The following PAK5 variants were observed in gnomAD, a reference collection of about 807,000 sequenced individuals.
The protein encoded by PAK5 is serine/threonine-protein kinase PAK 5.
In PAK5, 16 loss-of-function variants were observed where a neutral mutation model predicts 65.9. The ratio of observed to expected loss-of-function variants is 0.24; its 90% confidence interval spans 0.16 to 0.37. The LOEUF (loss-of-function observed/expected upper bound fraction) is 0.37, where lower values mean the gene tolerates loss of function less well. PAK5 is among the 10% of genes least tolerant of loss of function. The pLI, the probability that PAK5 is intolerant of heterozygous loss-of-function variation, is 1.00. For missense variants in PAK5, 785 were observed against 903.9 expected, an observed-to-expected ratio of 0.87 and a Z score of 1.69; for synonymous variants, 371 against 354.9, an observed-to-expected ratio of 1.05 and a Z score of -0.51.
chr20:9,723,729 G>A (rs988645946), intron 1 of PAK5, among the ~76,000 whole-genome samples: 1 of 152,112 alleles, frequency 6.6e-6, no homozygotes, highest in Non-Finnish European at 1.5e-5. Flanking sequence ...TGGTCACCCT[G>A]GGCAAAGGCA....
At chr20:9,724,512 T>A (rs1238308618) in intron 1 of PAK5, among the ~76,000 whole-genome samples, 2 of 152,178 alleles carry the variant, frequency 1.3e-5, no homozygotes, top group East Asian at 1.9e-4. Flanking sequence ...TGGTCATATA[T>A]CTTTACAAAA....
At chr20:9,687,338 G>A (rs1017585906) in intron 2 of PAK5, among the ~76,000 whole-genome samples, 3 of 152,224 alleles carry the variant, frequency 2.0e-5, no homozygotes, top group East Asian at 1.9e-4. Context: ...ATCCCTCCTG[G>A]ATATCTTCAA....
chr20:9,781,023 A>G (rs2048935674), intron 1 of PAK5, among the ~76,000 whole-genome samples: 1 of 152,150 alleles, frequency 6.6e-6, no homozygotes, highest in Admixed American at 6.6e-5. Context: ...CATCCTCAGG[A>G]ATAGAGAAAA....
intron 1 of PAK5, among the ~76,000 whole-genome samples, chr20:9,811,372 T>C (rs1228613528): frequency 6.6e-6 from 1 of 152,160 alleles, no homozygotes; most frequent in African/African-American, 2.4e-5. Context: ...AAAAGAAATA[T>C]GTGTTCCTAG....
intron 1 of PAK5, among the ~76,000 whole-genome samples, chr20:9,718,239 T>G (rs1480353074): frequency 6.6e-6 from 1 of 152,050 alleles, no homozygotes; most frequent in East Asian, 1.9e-4. Flanking sequence ...GAAGGAAGAT[T>G]TACTATCAGC....
intron 2 of PAK5, among the ~76,000 whole-genome samples, chr20:9,658,583 T>C (rs1023568330): frequency 2.0e-5 from 3 of 152,200 alleles, no homozygotes; most frequent in African/African-American, 7.2e-5. Flanking sequence ...CAATGTCACA[T>C]TGCCAATGAT....
At chr20:9,624,044 G>A (rs914503686) in intron 3 of PAK5, among the ~76,000 whole-genome samples, 8 of 152,158 alleles carry the variant, frequency 5.3e-5, no homozygotes, top group African/African-American at 1.9e-4. Flanking sequence ...CCACTTTAGG[G>A]TCATGGTATG....
chr20:9,711,663 C>G (rs2048079271), intron 1 of PAK5, among the ~76,000 whole-genome samples: 1 of 152,160 alleles, frequency 6.6e-6, no homozygotes, highest in Admixed American at 6.5e-5. Context: ...TGTACCACAG[C>G]ATTTTCTCCA....
At chr20:9,802,045 G>A (rs1006201991) in intron 1 of PAK5, among the ~76,000 whole-genome samples, 3 of 152,112 alleles carry the variant, frequency 2.0e-5, no homozygotes, top group Non-Finnish European at 4.4e-5. Flanking sequence ...CATAAAAAAT[G>A]CTTCTTAGGA....
rs536883860 is a variant in PAK5 at position 9,761,666 on chromosome 20, A to G, written c.-161-50231T>C. 7.9e-5 allele frequency among the ~76,000 whole-genome samples: 12 copies of G among 152,334 alleles called. No individual in the cohort carries two copies. In the South Asian group the frequency reaches 8.3e-4, roughly 11 times the overall value. On this transcript the variant is annotated intron_variant, in intron 1 of 9. Coordinates refer to ENST00000353224, the MANE Select transcript of PAK5 (RefSeq NM_177990.4). ...ATTATATTACAAAGCTATAGTAATCAAAACAGCATGGCACTGGCATAAAAA... is the reference window on the plus strand; with the variant it reads ...ATTATATTACAAAGCTATAGTAATCGAAACAGCATGGCACTGGCATAAAAA...
intron 1 of PAK5, among the ~76,000 whole-genome samples, chr20:9,768,065 T>C (rs978955771): frequency 1.7e-4 from 26 of 152,168 alleles, no homozygotes; most frequent in Non-Finnish European, 1.3e-4. Flanking sequence ...AACAGGGCAA[T>C]TAGACACCAA....
chr20:9,829,495 A>G (rs78012547), intron 1 of PAK5, among the ~76,000 whole-genome samples: 4,532 of 152,308 alleles, frequency 0.03, 196 homozygotes, highest in African/African-American at 0.098. Context: ...TAATATACAT[A>G]GGTAAAATAC....
At chr20:9,808,655 T>C (rs1366896307) in intron 1 of PAK5, among the ~76,000 whole-genome samples, 2 of 152,180 alleles carry the variant, frequency 1.3e-5, no homozygotes, top group Non-Finnish European at 2.9e-5. Flanking sequence ...TCCATTTATA[T>C]GAAATGTTCA....
chr20:9,696,123 C>G (rs1380336988), intron 2 of PAK5, among the ~76,000 whole-genome samples: 1 of 152,080 alleles, frequency 6.6e-6, no homozygotes, highest in Non-Finnish European at 1.5e-5. Context: ...CAGCCATAGA[C>G]AGTTACATGA....
At chr20:9,623,993 T>C (rs2046807093) in intron 3 of PAK5, among the ~76,000 whole-genome samples, 1 of 152,174 alleles carries the variant, frequency 6.6e-6, no homozygotes, top group Non-Finnish European at 1.5e-5. Context: ...TGTCAGTACT[T>C]ACTAAATTCA....
intron 3 of PAK5, among the ~76,000 whole-genome samples, chr20:9,604,628 C>T (rs1172241396): frequency 6.6e-6 from 1 of 152,210 alleles, no homozygotes; most frequent in African/African-American, 2.4e-5. Flanking sequence ...TATTCACACC[C>T]CTGCATCCAA....
chr20:9,812,735 T>C lies in PAK5; in HGVS notation c.-162+26027A>G, dbSNP rs117992252. Among the ~76,000 whole-genome samples the C allele has an allele frequency of 2.6e-3, 392 of 152,282 alleles. 2 individuals carry two copies. Among genetic ancestry groups the C allele is most frequent in the Non-Finnish European group, 3.0e-3 (201 of 68,002 alleles). Reference sequence around the variant, plus strand: ...AATTAGATAGTTAGAAGGAATAAGATCTAATGCTCAGTAGCACAATAGGGT... The same window carrying C: ...AATTAGATAGTTAGAAGGAATAAGACCTAATGCTCAGTAGCACAATAGGGT... On this transcript the variant is annotated intron_variant, in intron 1 of 9. Transcript: ENST00000353224.
intron 1 of PAK5, among the ~76,000 whole-genome samples, chr20:9,829,027 A>G (rs1456929036): frequency 6.6e-6 from 1 of 152,216 alleles, no homozygotes. Flanking sequence ...CTTATGGCCA[A>G]TTTACCTTTA....
intron 3 of PAK5, among the ~76,000 whole-genome samples, chr20:9,602,524 T>G (rs1369258822): frequency 1.3e-5 from 2 of 152,168 alleles, no homozygotes; most frequent in Non-Finnish European, 2.9e-5. Flanking sequence ...TTATGGCTAG[T>G]GCTTCAGGCT....
Sources: allele counts gnomAD v4.1 joint callset (sites outside exome capture counted in the v4.1 genomes callset), GRCh38; gene constraint gnomAD v4.1.1; transcripts MANE v1.5; gene names NCBI Gene and HGNC (gene_info 2026-07-23, HGNC 2026-07-21).